The following RFTN1 variants were observed in gnomAD, a reference collection of about 807,000 sequenced individuals.
The protein encoded by RFTN1 is raftlin.
RFTN1 carries 26 observed loss-of-function variants against 46.5 expected under a neutral mutation model. That is an observed-to-expected ratio of 0.56 (90% CI 0.41 to 0.78). The LOEUF (loss-of-function observed/expected upper bound fraction) is 0.78. Ranked by LOEUF, RFTN1 falls within the 30% of genes least tolerant of loss-of-function variation. RFTN1 has a pLI of 0.00. For synonymous variants in RFTN1, 261 were observed against 284.2 expected (o/e 0.92, Z 0.82); for missense variants, 693 against 718.7 (o/e 0.96, Z 0.41).
intron 1 of RFTN1, among the ~76,000 whole-genome samples, chr3:16,502,476 A>G (rs2881512): frequency 0.5 from 76,026 of 151,794 alleles, 19,181 homozygotes; most frequent in South Asian, 0.57. Flanking sequence ...TCCTCCTGGT[A>G]TTCACACCCT....
chr3:16,340,533 A>T (rs1049696711), intron 7 of RFTN1, among the ~76,000 whole-genome samples: 1 of 152,248 alleles, frequency 6.6e-6, no homozygotes, highest in South Asian at 2.1e-4. Flanking sequence ...GAGCTAATAC[A>T]TGGTTATTTG....
rs148693169 is a variant in RFTN1, at chr3:16,465,014, C to T, written c.145+28711G>A. 6.6e-6 allele frequency among the ~76,000 whole-genome samples: 1 copy of T among 152,158 alleles called. No individual in the cohort carries two copies. Among genetic ancestry groups the T allele is most frequent in the African/African-American group, 2.4e-5 (1 of 41,434 alleles). ...TCCCATCACAATGATTTATTACAAT[C>T]ATTTTTTAAGATTAACACAACAAGG... is the stretch of plus-strand genomic sequence containing the variant. On this transcript the variant is annotated intron_variant, in intron 2 of 9. Coordinates refer to ENST00000334133, the MANE Select transcript of RFTN1 (RefSeq NM_015150.2). This position sits in a 1 kb window ranked among gnomAD's most constrained non-coding sequence, Gnocchi z 5.1.
intron 8 of RFTN1, among the ~76,000 whole-genome samples, chr3:16,324,619 C>CCG (rs1479585637): frequency 3.5e-5 from 5 of 142,488 alleles, no homozygotes; most frequent in Non-Finnish European, 7.7e-5. Context: ...CCTGACCCCC[C>CCG]CCCTTTTAAG....
chr3:16,471,602 A>G lies in RFTN1; in HGVS notation c.145+22123T>C, dbSNP rs2076197325. On this transcript the variant is annotated intron_variant, in intron 2 of 9. Transcript: ENST00000334133. ...CCAGCTGGCCAATTACAGAACAGGG[A>G]GTAGAACCTGGATCTATTTTTCCAT... Among the ~76,000 whole-genome samples, 5 of 152,056 alleles carry G rather than the reference A, an allele frequency of 3.3e-5. No individual in the cohort carries two copies. In the South Asian group the frequency reaches 1.0e-3, roughly 32 times the overall value.
In RFTN1 at chr3:16,336,589, C is replaced by T. The variant is rs747619607; in HGVS notation, c.1147-9713G>A. ...ACATTTTGCTGATATGTAATCAGGACAACATAATAGAGTCTGAGAGAGCAG... is the reference window on the plus strand; with the variant it reads ...ACATTTTGCTGATATGTAATCAGGATAACATAATAGAGTCTGAGAGAGCAG... On this transcript the variant is annotated intron_variant, in intron 7 of 9. Transcript: ENST00000334133. This position sits in a 1 kb window ranked among gnomAD's most constrained non-coding sequence, Gnocchi z 6.0. 2.0e-5 allele frequency among the ~76,000 whole-genome samples: 3 copies of T among 152,172 alleles called. No homozygotes were observed. The highest frequency in any genetic ancestry group is 6.5e-5 in the Admixed American group (1 of 15,280).
intron 6 of RFTN1, among the ~76,000 whole-genome samples, chr3:16,364,758 G>A (rs569333728): frequency 6.6e-6 from 1 of 152,300 alleles, no homozygotes; most frequent in East Asian, 1.9e-4. Flanking sequence ...AGAGAAAATG[G>A]TCTTCAATTA....
intron 2 of RFTN1, among the ~76,000 whole-genome samples, chr3:16,476,483 AAGAT>A (rs1352627094): frequency 6.6e-6 from 1 of 152,200 alleles, no homozygotes; most frequent in Non-Finnish European, 1.5e-5. Context: ...CAAAGAAAAT[AAGAT>A]AGAAACAGAG....
At chr3:16,416,972 C>T (rs1289562844) in intron 3 of RFTN1, among the ~76,000 whole-genome samples, 1 of 151,800 alleles carries the variant, frequency 6.6e-6, no homozygotes, top group Non-Finnish European at 1.5e-5. Flanking sequence ...TGTGCAACCA[C>T]CATCACTACC....
At position 16,317,896 on chromosome 3, in the gene RFTN1, C is replaced by A. The variant is rs2068596855; in HGVS notation, c.1333-664G>T. 6.6e-6 allele frequency among the ~76,000 whole-genome samples: 1 copy of A among 152,198 alleles called. No individual in the cohort carries two copies. Among genetic ancestry groups the A allele is most frequent in the Non-Finnish European group, 1.5e-5 (1 of 68,028 alleles). On this transcript the variant is annotated intron_variant, in intron 9 of 9. Coordinates refer to ENST00000334133, the MANE Select transcript of RFTN1 (RefSeq NM_015150.2). The surrounding 1 kb of genome is among the most constrained non-coding windows in gnomAD (Gnocchi z 4.3). ...TCCCAATTTGGGATAACGCAAATGC[C>A]ATCCCAGCTCCAAGCCAACCTGGGG...
At chr3:16,393,651 CTTTTT>C (rs35917033) in intron 4 of RFTN1, among the ~76,000 whole-genome samples, 2 of 141,702 alleles carry the variant, frequency 1.4e-5, no homozygotes, top group South Asian at 2.2e-4. Flanking sequence ...AGCTGATGGA[CTTTTT>C]TTTTTTAATT....
In RFTN1 at chr3:16,422,156, A is replaced by C. The variant is rs2075197916; in HGVS notation, c.332+11695T>G. 6.6e-6 allele frequency among the ~76,000 whole-genome samples: 1 copy of C among 152,246 alleles called. No individual in the cohort carries two copies. The highest frequency in any genetic ancestry group is 2.4e-5 in the African/African-American group (1 of 41,466). ...CAGAATTATTATGAAGCTCTCAAAT[A>C]AAATTTACCTCCAATAATAATATTG... is the stretch of plus-strand genomic sequence containing the variant. On this transcript the variant is annotated intron_variant, in intron 3 of 9. Coordinates refer to ENST00000334133, the MANE Select transcript of RFTN1 (RefSeq NM_015150.2). This position sits in a 1 kb window ranked among gnomAD's most constrained non-coding sequence, Gnocchi z 4.6.
At chr3:16,360,896 G>A (rs2072785966) in intron 6 of RFTN1, among the ~76,000 whole-genome samples, 1 of 152,122 alleles carries the variant, frequency 6.6e-6, no homozygotes, top group Admixed American at 6.5e-5. Context: ...TGCCACATGA[G>A]CTCAATATGG....
chr3:16,398,196 G>A (rs554354978), intron 4 of RFTN1, among the ~76,000 whole-genome samples: 20 of 143,480 alleles, frequency 1.4e-4, no homozygotes, highest in African/African-American at 4.0e-4. Context: ...GCAGTAAGCC[G>A]AGATCGCACC....
At chr3:16,505,378 TC>T (rs1326733710) in intron 1 of RFTN1, among the ~76,000 whole-genome samples, 1 of 152,140 alleles carries the variant, frequency 6.6e-6, no homozygotes, top group Admixed American at 6.6e-5. Context: ...GACATTCCTT[TC>T]CCGTACCTCT....
chr3:16,357,124 A>AC (rs980970429), intron 7 of RFTN1, among the ~76,000 whole-genome samples: 6 of 82,026 alleles, frequency 7.3e-5, no homozygotes, highest in South Asian at 6.0e-4. Flanking sequence ...CAAAAAAAAA[A>AC]AAAACAAAAA....
chr3:16,412,596 A>C (rs1471964165), intron 3 of RFTN1, among the ~76,000 whole-genome samples: 3 of 151,930 alleles, frequency 2.0e-5, no homozygotes, highest in Admixed American at 1.3e-4. Context: ...CTCTAAGATG[A>C]CCCCCACAAC....
rs146739460 is a variant in RFTN1, at chr3:16,381,400, A to G, written c.442-3298T>C. Among the ~76,000 whole-genome samples the G allele has an allele frequency of 2.0e-4, 31 of 152,354 alleles. No homozygotes were observed. Among genetic ancestry groups the G allele is most frequent in the African/African-American group, 7.5e-4 (31 of 41,572 alleles). The stretch of plus-strand genomic sequence containing the variant: ...GTGAAGGCATAGACATGACAGTGAC[A>G]ATGGTGATTATTTCTGCCTGAAGGG... On this transcript the variant is annotated intron_variant, in intron 4 of 9. Coordinates refer to ENST00000334133, the MANE Select transcript of RFTN1 (RefSeq NM_015150.2). The surrounding 1 kb of genome is among the most constrained non-coding windows in gnomAD (Gnocchi z 4.2).
intron 3 of RFTN1, among the ~76,000 whole-genome samples, chr3:16,431,535 T>C (rs1416178504): frequency 6.6e-6 from 1 of 151,656 alleles, no homozygotes; most frequent in Non-Finnish European, 1.5e-5. Context: ...ACTTTTTGAG[T>C]TAAGCTCAGG....
intron 7 of RFTN1, among the ~76,000 whole-genome samples, chr3:16,330,410 T>G (rs1024579256): frequency 6.6e-6 from 1 of 152,202 alleles, no homozygotes; most frequent in African/African-American, 2.4e-5. Flanking sequence ...GAAAGACACT[T>G]TTAAGTCCAT....
Sources: gnomAD v4.1 joint callset for allele counts (sites outside exome capture counted in the v4.1 genomes callset) on GRCh38, gnomAD v4.1.1 for gene constraint, Gnocchi (gnomAD v3.1) non-coding constraint, MANE v1.5 for transcripts, NCBI Gene and HGNC (gene_info 2026-07-23, HGNC 2026-07-21) for gene names.